Variants in SETD2 observed in about 807,000 individuals in gnomAD.
SETD2 encodes histone-lysine N-methyltransferase SETD2.
A neutral mutation model predicts 242.1 loss-of-function variants in SETD2; 31 were observed. The ratio of observed to expected loss-of-function variants is 0.13; its 90% CI spans 0.10 to 0.17. SETD2 has a LOEUF of 0.17. Among genes scored for constraint, SETD2 ranks in the 10% least tolerant of loss-of-function variants. SETD2 has a pLI of 1.00. For missense variants in SETD2, 2,481 were observed against 3,046.3 expected, an observed-to-expected ratio of 0.81 and a Z score of 4.37; for synonymous variants, 1,006 against 1,066.5, an observed-to-expected ratio of 0.94 and a Z score of 1.11.
At position 47,017,264 on chromosome 3, in the gene SETD2, G is replaced by A. The variant is rs2107485977; in HGVS notation, c.7534-10C>T. The A allele has an allele frequency of 2.5e-6, 4 of 1,613,730 alleles. No homozygotes were observed. Among genetic ancestry groups the A allele is most frequent in the Non-Finnish European group, 2.5e-6 (3 of 1,179,832 alleles). ...TAACACCGTGAGTCAGCTGTCCAGG[G>A]CACAGGAAGAGAGACCACAGCCACC... On this transcript the variant is annotated splice_polypyrimidine_tract_variant and intron_variant, in intron 20 of 20. Transcript: ENST00000409792. This position sits in a 1 kb window ranked among gnomAD's most constrained non-coding sequence, Gnocchi z 4.8.
chr3:47,103,866 C>T (rs1357564510), intron 6 of SETD2, among the ~76,000 whole-genome samples: 1 of 152,208 alleles, frequency 6.6e-6, no homozygotes, highest in Non-Finnish European at 1.5e-5. Flanking sequence ...TAATTATTAA[C>T]TTTTGCCCAT....
At position 47,106,021 on chromosome 3, in the gene SETD2, A is replaced by T. The variant is rs772465763; in HGVS notation, c.4815T>A (p.Tyr1605Ter). 1 of 1,614,012 alleles carries T rather than the reference A, an allele frequency of 6.2e-7. No homozygotes were observed. The change falls in exon 6 of 21, where the codon TAT (tyrosine) becomes TAA (stop). Residue 1605 changes from tyrosine to a stop codon, truncating the protein, a stop_gained. Transcript: ENST00000409792. LOFTEE classifies it high-confidence loss of function. ...CCTCATCATTCTTCAGGGCCATGAA[A>T]TAGTAATGGATGTTTTTGTTTCGTG... Reference protein sequence around the residue: ...EYARNKNIHYYFMALKNDEII... With the variant: ...EYARNKNIHY
At chr3:47,060,988 T>C (rs1315053016) in intron 14 of SETD2, among the ~76,000 whole-genome samples, 7 of 152,098 alleles carry the variant, frequency 4.6e-5, no homozygotes. Context: ...TTTGGGAGGC[T>C]GAGGCAGATT....
chr3:47,062,854 G>A (rs2040397824), intron 13 of SETD2, among the ~76,000 whole-genome samples: 1 of 152,066 alleles, frequency 6.6e-6, no homozygotes, highest in South Asian at 2.1e-4. Flanking sequence ...GAGCTGGGAG[G>A]ATTGCTTAAG....
chr3:47,152,978 A>G (rs999829126), intron 1 of SETD2, among the ~76,000 whole-genome samples: 1 of 152,220 alleles, frequency 6.6e-6, no homozygotes, highest in Non-Finnish European at 1.5e-5. Flanking sequence ...TGAAATGACA[A>G]TATGTTTGCT....
At chr3:47,026,571 T>C (rs745767399) in intron 18 of SETD2, among the ~76,000 whole-genome samples, 1 of 152,120 alleles carries the variant, frequency 6.6e-6, no homozygotes, top group Non-Finnish European at 1.5e-5. Flanking sequence ...CCATCAACTA[T>C]AGACTGGATA....
intron 1 of SETD2, among the ~76,000 whole-genome samples, chr3:47,141,874 T>C (rs1013979647): frequency 6.6e-6 from 1 of 152,192 alleles, no homozygotes; most frequent in Non-Finnish European, 1.5e-5. Context: ...GCATTTTTTT[T>C]TCATTGTAAT....
At chr3:47,020,446 A>G (rs2038167846) in intron 18 of SETD2, among the ~76,000 whole-genome samples, 1 of 152,190 alleles carries the variant, frequency 6.6e-6, no homozygotes, top group Non-Finnish European at 1.5e-5. Flanking sequence ...ATGATGACAC[A>G]GAAGATACTC....
chr3:47,055,173 G>A (rs2040001750), intron 15 of SETD2, among the ~76,000 whole-genome samples: 1 of 152,182 alleles, frequency 6.6e-6, no homozygotes, highest in Non-Finnish European at 1.5e-5. Context: ...TAGGGTTTTA[G>A]TAATTAAAAC....
chr3:47,092,528 T>TTA (rs1298064261), intron 9 of SETD2, among the ~76,000 whole-genome samples: 2 of 148,824 alleles, frequency 1.3e-5, no homozygotes, highest in Admixed American at 1.3e-4. Flanking sequence ...TATTTATACA[T>TTA]TATATATTTA....
intron 5 of SETD2, among the ~76,000 whole-genome samples, chr3:47,113,130 A>T (rs1449803609): frequency 1.1e-4 from 17 of 151,852 alleles, no homozygotes; most frequent in Admixed American, 1.1e-3. Context: ...TTAAGAGACA[A>T]GAGATCACTG....
intron 2 of SETD2, among the ~76,000 whole-genome samples, chr3:47,126,405 A>G (rs908226504): frequency 6.6e-6 from 1 of 152,234 alleles, no homozygotes; most frequent in Non-Finnish European, 1.5e-5. Flanking sequence ...AGAACTTCCA[A>G]CTTTCTCTAC....
rs2040361464 is a variant in SETD2 at position 47,062,165 on chromosome 3, G to C, written c.6291C>G (p.Asp2097Glu). The change falls in exon 14 of 21, where the codon GAC becomes GAG. Residue 2097 changes from aspartate to glutamate, a missense_variant and splice_region_variant. By Grantham distance (45) the Asp-to-Glu change is conservative (BLOSUM62 2). Transcript: ENST00000409792. Reference protein sequence around the residue: ...AYERGTKRPDDRYDTPTSKKK... With the variant: ...AYERGTKRPDERYDTPTSKKK... ...AAAAACTCACACAGGCCACTTACCT[G>C]TCATCTGGCCTTTTTGTTCCCCGCT... is the stretch of plus-strand genomic sequence containing the variant. 2 of 1,612,578 alleles carry C rather than the reference G, an allele frequency of 1.2e-6. No homozygotes were observed. Among genetic ancestry groups the C allele is most frequent in the Non-Finnish European group, 1.7e-6 (2 of 1,179,650 alleles).
At chr3:47,112,667 G>A (rs1419795666) in intron 5 of SETD2, among the ~76,000 whole-genome samples, 1 of 152,128 alleles carries the variant, frequency 6.6e-6, no homozygotes, top group African/African-American at 2.4e-5. Context: ...TCGGCTCACT[G>A]CAACCTCCAC....
At chr3:47,050,922 A>G (rs562844210) in intron 15 of SETD2, among the ~76,000 whole-genome samples, 62 of 151,300 alleles carry the variant, frequency 4.1e-4, no homozygotes, top group African/African-American at 1.4e-3. Flanking sequence ...TAGTAGAAAC[A>G]AGGTTTCACC....
chr3:47,087,884 T>G (rs2041631243), intron 10 of SETD2, among the ~76,000 whole-genome samples: 1 of 151,802 alleles, frequency 6.6e-6, no homozygotes, highest in Non-Finnish European at 1.5e-5. Context: ...CAGAATTGCT[T>G]GCACCCAGGA....
intron 13 of SETD2, 62 bp downstream of exon 13, chr3:47,067,008 C>A: frequency 8.0e-7 from 1 of 1,250,228 alleles, no homozygotes; most frequent in Non-Finnish European, 1.2e-6. Context: ...TATCAGTTAC[C>A]TCTGCACATA....
chr3:47,122,292 T>C lies in SETD2; in HGVS notation c.2344A>G (p.Arg782Gly), dbSNP rs747153225. ...TCTTTGGTTTTGCAGCAAGAAACCC[T>C]CGTATCAACTGGTTCTTTAACTACT... Reference protein sequence around the residue: ...KTVVKEPVDTRVSCCKTKDSD... With the variant: ...KTVVKEPVDTGVSCCKTKDSD... Residue 782 changes from arginine (R) to glycine (G), a missense_variant, in exon 3 of 21, where the codon AGG becomes GGG. Transcript: ENST00000409792. 6.2e-7 allele frequency: 1 copy of C among 1,614,164 alleles called. No homozygotes were observed. The highest frequency in any genetic ancestry group is 8.5e-7 in the Non-Finnish European group (1 of 1,179,996).
chr3:47,065,971 A>G (rs1373078627), intron 13 of SETD2, among the ~76,000 whole-genome samples: 1 of 152,168 alleles, frequency 6.6e-6, no homozygotes, highest in Admixed American at 6.6e-5. Context: ...AGAAAAGTAA[A>G]TACAGTCAAC....
Sources: allele counts gnomAD v4.1 joint callset (sites outside exome capture counted in the v4.1 genomes callset), GRCh38; gene constraint gnomAD v4.1.1; non-coding constraint Gnocchi (gnomAD v3.1); transcripts MANE v1.5; gene names NCBI Gene and HGNC (gene_info 2026-07-23, HGNC 2026-07-21).